The following ZDHHC14 variants were observed in gnomAD, a reference collection of about 807,000 sequenced individuals.
ZDHHC14 encodes palmitoyltransferase ZDHHC14.
A neutral mutation model predicts 47.7 loss-of-function variants in ZDHHC14; 16 were observed. The ratio of observed to expected loss-of-function variants is 0.34; its 90% CI spans 0.23 to 0.51. ZDHHC14 has a LOEUF of 0.51. ZDHHC14 is among the 20% of genes least tolerant of loss of function. ZDHHC14 has a pLI of 0.97. For synonymous variants in ZDHHC14, 293 were observed against 278.9 expected (o/e 1.05, Z -0.50); for missense variants, 515 against 662.5 (o/e 0.78, Z 2.44).
chr6:157,459,637 G>A (rs1310881530), intron 1 of ZDHHC14, among the ~76,000 whole-genome samples: 1 of 152,136 alleles, frequency 6.6e-6, no homozygotes, highest in African/African-American at 2.4e-5. Context: ...TCTAGAATGG[G>A]TAAGCTCAGT....
At chr6:157,445,282 T>TA (rs1464597991) in intron 1 of ZDHHC14, among the ~76,000 whole-genome samples, 4 of 152,168 alleles carry the variant, frequency 2.6e-5, no homozygotes, top group Admixed American at 2.6e-4. Flanking sequence ...TTCAAAGAGT[T>TA]AATTTCACCT....
intron 5 of ZDHHC14, among the ~76,000 whole-genome samples, chr6:157,639,385 A>C (rs3763167): frequency 0.1 from 15,317 of 152,030 alleles, 1,620 homozygotes; most frequent in African/African-American, 0.27. Context: ...GCTCACTGCA[A>C]CCTCCGCCTC....
At chr6:157,650,087 CTGGCTCTGTGCCAGGCACTGGGGGT>C (rs1200415641) in intron 7 of ZDHHC14, among the ~76,000 whole-genome samples, 21 of 151,768 alleles carry the variant, frequency 1.4e-4, no homozygotes, top group South Asian at 4.2e-4. Flanking sequence ...GGGAGAGGGG[CTGGCTCTGTGCCAGGCACTGGGGGT>C]GCACGGGAGA....
chr6:157,672,590 A>G (rs1224807059), intron 8 of ZDHHC14, 134 bp from the exon 9 acceptor site: 2 of 966,780 alleles, frequency 2.1e-6, no homozygotes, highest in Non-Finnish European at 3.0e-6. Flanking sequence ...TGCCTGGCTG[A>G]CTGAGGTGTC....
chr6:157,459,476 T>G (rs945322219), intron 1 of ZDHHC14, among the ~76,000 whole-genome samples: 2 of 152,110 alleles, frequency 1.3e-5, no homozygotes, highest in African/African-American at 4.8e-5. Flanking sequence ...CAAGACACCT[T>G]GTATTGTGTG....
chr6:157,416,984 T>G lies in ZDHHC14; in HGVS notation c.245+34718T>G, dbSNP rs1353023001. 5.3e-5 allele frequency among the ~76,000 whole-genome samples: 7 copies of G among 133,028 alleles called. No homozygotes were observed. In the South Asian group the frequency reaches 1.3e-3, roughly 25 times the overall value. 87.3% of individuals were successfully genotyped at this position (133,028 alleles called of 152,430 possible). ...CCATGCCTGGCTAGTTTTTTTTTTT[T>G]TTTTTTTTTTTTTTTTTGTATTTTT... On this transcript the variant is annotated intron_variant, in intron 1 of 8. Transcript: ENST00000359775.
At chr6:157,638,619 G>A (rs1395743962) in intron 5 of ZDHHC14, among the ~76,000 whole-genome samples, 1 of 152,222 alleles carries the variant, frequency 6.6e-6, no homozygotes, top group Non-Finnish European at 1.5e-5. Flanking sequence ...GGCAAAACCT[G>A]ACAGGTCACA....
chr6:157,486,814 A>G (rs1159571450), intron 1 of ZDHHC14, among the ~76,000 whole-genome samples: 1 of 152,202 alleles, frequency 6.6e-6, no homozygotes, highest in African/African-American at 2.4e-5. Flanking sequence ...GACCCAGAGA[A>G]CAGGATGTGT....
At chr6:157,609,274 G>A (rs1199380689) in intron 3 of ZDHHC14, among the ~76,000 whole-genome samples, 1 of 152,176 alleles carries the variant, frequency 6.6e-6, no homozygotes, top group Non-Finnish European at 1.5e-5. Context: ...GCACCTGGAG[G>A]GAAAGCGAGA....
rs112623878 is a variant in ZDHHC14, at chr6:157,587,141, G to A, written c.407-5847G>A. 4.8e-3 allele frequency among the ~76,000 whole-genome samples: 732 copies of A among 152,280 alleles called. 8 individuals carry two copies. The highest frequency in any genetic ancestry group is 0.017 in the African/African-American group (701 of 41,554). The stretch of plus-strand genomic sequence containing the variant: ...TTAACACAAATGTTTGACTGAGTTC[G>A]TATTTTATAAAAAGATATCAGGTCT... On this transcript the variant is annotated intron_variant, in intron 2 of 8. Transcript: ENST00000359775.
chr6:157,599,328 C>T (rs1784252229), intron 3 of ZDHHC14, among the ~76,000 whole-genome samples: 1 of 152,218 alleles, frequency 6.6e-6, no homozygotes, highest in Non-Finnish European at 1.5e-5. Flanking sequence ...GAGGCAAGTA[C>T]CACAGGTAGG....
At chr6:157,672,677 GC>G in intron 8 of ZDHHC14, 46 bp from the exon 9 acceptor site, 4 of 1,041,926 alleles carry the variant, frequency 3.8e-6, no homozygotes, top group Non-Finnish European at 3.7e-6. Context: ...CCCCACCTCT[GC>G]CCCCTCCTCT....
At position 157,382,198 on chromosome 6, in the gene ZDHHC14, G is replaced by A; in HGVS notation, c.177G>A (p.Arg59=). Residue 59 remains arginine (R), a synonymous_variant, in exon 1 of 9, where the codon CGG becomes CGA. Transcript: ENST00000359775. The stretch of plus-strand genomic sequence containing the variant: ...GTAACGGGAGGATCATGATGGCCCG[G>A]CAGACGGGCGTCTTCTACCTGACGC... ...FFCNGRIMMA[R]QTGVFYLTLV... The A allele has an allele frequency of 6.2e-7, 1 of 1,613,636 alleles. No individual in the cohort carries two copies. The highest frequency in any genetic ancestry group is 8.5e-7 in the Non-Finnish European group (1 of 1,179,824).
At chr6:157,667,402 G>T (rs983339363) in intron 8 of ZDHHC14, among the ~76,000 whole-genome samples, 2 of 152,064 alleles carry the variant, frequency 1.3e-5, no homozygotes, top group Non-Finnish European at 2.9e-5. Flanking sequence ...AGCCAGGAAG[G>T]CTGGGTAGCG....
At chr6:157,631,203 G>A (rs1158269060) in intron 4 of ZDHHC14, 1 of 152,210 alleles carries the variant, frequency 6.6e-6, no homozygotes, top group Non-Finnish European at 1.5e-5. Flanking sequence ...GGTGAAATCT[G>A]TGCCTGCCAC....
intron 8 of ZDHHC14, among the ~76,000 whole-genome samples, chr6:157,654,544 A>G (rs1368746867): frequency 6.6e-6 from 1 of 151,994 alleles, no homozygotes; most frequent in Non-Finnish European, 1.5e-5. Context: ...AGCAGCCCAG[A>G]ACACCTTGCT....
chr6:157,641,574 C>A (rs549552340), intron 5 of ZDHHC14, among the ~76,000 whole-genome samples: 1 of 152,178 alleles, frequency 6.6e-6, no homozygotes, highest in Admixed American at 6.5e-5. Flanking sequence ...TGTAGGGGTT[C>A]TTTATGTTTC....
intron 1 of ZDHHC14, among the ~76,000 whole-genome samples, chr6:157,418,686 A>G (rs941039947): frequency 1.3e-5 from 2 of 152,310 alleles, no homozygotes; most frequent in East Asian, 3.9e-4. Context: ...ACAGATAGCT[A>G]TGTTCTACCC....
At position 157,675,005 on chromosome 6, in the gene ZDHHC14, G is replaced by A. The variant is rs1778947191; in HGVS notation, c.*1883G>A. 1 of 152,230 alleles carries A rather than the reference G, an allele frequency of 6.6e-6. No individual in the cohort carries two copies. Among genetic ancestry groups the A allele is most frequent in the Non-Finnish European group, 1.5e-5 (1 of 68,050 alleles). The allele number at this position is 152,230 out of a possible 1,614,324, so 9.4% of individuals were successfully genotyped here. ...ACGCTCACAGGCACCAACTCACAGGGATTCTCCTTGTCCACGCTACCTGTG... is the reference window on the plus strand; with the variant it reads ...ACGCTCACAGGCACCAACTCACAGGAATTCTCCTTGTCCACGCTACCTGTG... On this transcript the variant is annotated 3_prime_UTR_variant, in exon 9 of 9. Transcript: ENST00000359775.
Sources: allele counts gnomAD v4.1 joint callset (sites outside exome capture counted in the v4.1 genomes callset), GRCh38; gene constraint gnomAD v4.1.1; transcripts MANE v1.5; gene names NCBI Gene and HGNC (gene_info 2026-07-23, HGNC 2026-07-21).